Variants in ABTB2 observed in about 807,000 individuals in gnomAD.
The protein encoded by ABTB2 is ankyrin repeat and BTB/POZ domain-containing protein 2.
Under a neutral mutation model 104.1 loss-of-function variants are expected in ABTB2, and 56 were observed. The ratio of observed to expected loss-of-function variants is 0.54; its 90% confidence interval spans 0.43 to 0.67. The LOEUF is 0.67. ABTB2 is among the 30% of genes least tolerant of loss of function. ABTB2 has a pLI of 0.00. For missense variants in ABTB2, 1,279 were observed against 1,407.7 expected (o/e 0.91, Z 1.46); for synonymous variants, 606 against 608.2 (o/e 1.00, Z 0.05).
intron 5 of ABTB2, 114 bp downstream of exon 5, chr11:34,170,792 G>T (rs112407742): frequency 7.5e-7 from 1 of 1,330,222 alleles, no homozygotes; most frequent in African/African-American, 1.5e-5. Flanking sequence ...CCGCCTTTTC[G>T]AAGTACAGAG....
chr11:34,224,604 A>G (rs76113574), intron 1 of ABTB2, among the ~76,000 whole-genome samples: 2,674 of 152,210 alleles, frequency 0.018, 83 homozygotes, highest in African/African-American at 0.06. Context: ...GGTGGACCCA[A>G]CCTTGCAGGG....
chr11:34,204,419 G>GGCACTTGGAGGAGGAGGAGGCCAGA (rs1033050277), intron 2 of ABTB2, 125 bp downstream of exon 2: 71 of 1,198,332 alleles, frequency 5.9e-5, no homozygotes, highest in Admixed American at 8.2e-5. Context: ...GGGAAGGCAA[G>GGCACTTGGAGGAGGAGGAGGCCAGA]GCACTTGGAG....
intron 1 of ABTB2, among the ~76,000 whole-genome samples, chr11:34,323,906 C>CTTTTTTTT (rs56375939): frequency 1.6e-5 from 1 of 63,878 alleles, no homozygotes; most frequent in Non-Finnish European, 2.7e-5. Flanking sequence ...TAAATTCCCT[C>CTTTTTTTT]TTTTTTTTTT....
At chr11:34,297,474 A>G (rs1183164653) in intron 1 of ABTB2, among the ~76,000 whole-genome samples, 5 of 152,292 alleles carry the variant, frequency 3.3e-5, no homozygotes, top group African/African-American at 1.2e-4. Context: ...ACTCAGTGCT[A>G]TGGTTTTAAT....
intron 1 of ABTB2, among the ~76,000 whole-genome samples, chr11:34,259,789 G>T (rs1854166704): frequency 6.6e-6 from 1 of 152,086 alleles, no homozygotes; most frequent in Non-Finnish European, 1.5e-5. Context: ...AAATCCCAGA[G>T]ACCTTCCCCT....
At position 34,159,913 on chromosome 11, in the gene ABTB2, A is replaced by G. The variant is rs1183437799; in HGVS notation, c.2599T>C (p.Ser867Pro). The change falls in exon 13 of 17, where the codon TCT becomes CCT. Residue 867 changes from serine to proline, a missense_variant. Physicochemically the swap from Ser to Pro is moderately conservative, Grantham distance 74 (BLOSUM62 -1). Coordinates refer to ENST00000435224, the MANE Select transcript of ABTB2 (RefSeq NM_145804.3). Reference protein sequence around the residue: ...YAHKVLLVTASNRFKTLMTNK... With the variant: ...YAHKVLLVTAPNRFKTLMTNK... ...TTATCTGAGGCTGCCTACCTGTTAGAAGCTGTCACCAGCAGGACTTTATGT... is the reference window on the plus strand; with the variant it reads ...TTATCTGAGGCTGCCTACCTGTTAGGAGCTGTCACCAGCAGGACTTTATGT... The G allele has an allele frequency of 1.9e-6, 3 of 1,613,116 alleles. No homozygotes were observed. In the East Asian group the frequency reaches 6.7e-5, roughly 36 times the overall value.
intron 1 of ABTB2, among the ~76,000 whole-genome samples, chr11:34,308,473 T>G (rs1013809505): frequency 3.9e-5 from 6 of 152,082 alleles, no homozygotes; most frequent in African/African-American, 1.4e-4. Context: ...TTCGATCACA[T>G]CTTGGGGTCA....
At chr11:34,208,343 C>T (rs768152332) in intron 1 of ABTB2, among the ~76,000 whole-genome samples, 19 of 152,094 alleles carry the variant, frequency 1.2e-4, no homozygotes, top group South Asian at 8.3e-4. Flanking sequence ...AGAAAGCATG[C>T]GGGAACATTT....
At chr11:34,341,482 T>C (rs1467840066) in intron 1 of ABTB2, among the ~76,000 whole-genome samples, 2 of 152,246 alleles carry the variant, frequency 1.3e-5, no homozygotes, top group African/African-American at 4.8e-5. Context: ...AATGGCTGTA[T>C]TGTTGCACAG....
intron 1 of ABTB2, among the ~76,000 whole-genome samples, chr11:34,246,987 A>G (rs901589931): frequency 2.0e-5 from 3 of 151,708 alleles, no homozygotes; most frequent in African/African-American, 2.4e-5. Context: ...AGCTGGGATT[A>G]CAGGCATGCA....
chr11:34,267,938 G>T (rs923251699), intron 1 of ABTB2, among the ~76,000 whole-genome samples: 1 of 152,110 alleles, frequency 6.6e-6, no homozygotes, highest in African/African-American at 2.4e-5. Flanking sequence ...CCTATTTTAA[G>T]ATTTCTTTTT....
intron 2 of ABTB2, among the ~76,000 whole-genome samples, chr11:34,201,295 T>G (rs1345162756): frequency 1.3e-5 from 2 of 152,148 alleles, no homozygotes; most frequent in Non-Finnish European, 2.9e-5. Flanking sequence ...AAGACTTGAT[T>G]AGAGGTGCTA....
chr11:34,317,529 C>A (rs1448886926), intron 1 of ABTB2, among the ~76,000 whole-genome samples: 1 of 152,038 alleles, frequency 6.6e-6, no homozygotes, highest in Non-Finnish European at 1.5e-5. Context: ...TCCCAGCAGT[C>A]TGGGAGGCTG....
intron 2 of ABTB2, among the ~76,000 whole-genome samples, chr11:34,201,575 G>A (rs1469627819): frequency 6.6e-6 from 1 of 152,190 alleles, no homozygotes; most frequent in Non-Finnish European, 1.5e-5. Flanking sequence ...CCTGATGTTG[G>A]AGAGGCTCAG....
At chr11:34,302,079 T>A (rs138611660) in intron 1 of ABTB2, among the ~76,000 whole-genome samples, 1 of 152,220 alleles carries the variant, frequency 6.6e-6, no homozygotes, top group Non-Finnish European at 1.5e-5. Flanking sequence ...CACGTGTGTG[T>A]ACACCCCCAA....
chr11:34,158,310 G>A (rs1590201133), intron 14 of ABTB2, among the ~76,000 whole-genome samples: 1 of 152,208 alleles, frequency 6.6e-6, no homozygotes, highest in African/African-American at 2.4e-5. Flanking sequence ...CTACTCGGGA[G>A]GGTGAGGCAG....
At chr11:34,161,633 C>T (rs1255930567) in intron 10 of ABTB2, among the ~76,000 whole-genome samples, 1 of 152,200 alleles carries the variant, frequency 6.6e-6, no homozygotes, top group Non-Finnish European at 1.5e-5. Context: ...TGGAAAGCCG[C>T]TGCACATCCC....
At chr11:34,206,985 A>G (rs1853415784) in intron 1 of ABTB2, among the ~76,000 whole-genome samples, 1 of 152,226 alleles carries the variant, frequency 6.6e-6, no homozygotes, top group Non-Finnish European at 1.5e-5. Context: ...GAGGAGGAAG[A>G]GTTCATGATT....
intron 1 of ABTB2, among the ~76,000 whole-genome samples, chr11:34,263,067 G>C (rs1362210750): frequency 1.3e-5 from 2 of 152,146 alleles, no homozygotes; most frequent in Non-Finnish European, 2.9e-5. Context: ...GGACTCCGGA[G>C]GCCGGTTTAG....
Sources: allele counts gnomAD v4.1 joint callset (sites outside exome capture counted in the v4.1 genomes callset), GRCh38; gene constraint gnomAD v4.1.1; transcripts MANE v1.5; gene names NCBI Gene and HGNC (gene_info 2026-07-23, HGNC 2026-07-21).